Variants in PLXNA4 observed in about 807,000 individuals in gnomAD.
PLXNA4 encodes plexin A4.
Under a neutral mutation model 191.8 loss-of-function variants are expected in PLXNA4, and 44 were observed. The ratio of observed to expected loss-of-function variants is 0.23; its 90% CI spans 0.18 to 0.29. The LOEUF (loss-of-function observed/expected upper bound fraction) is 0.29. Among genes scored for constraint, PLXNA4 ranks in the 10% least tolerant of loss-of-function variants. The pLI, the probability that PLXNA4 is intolerant of heterozygous loss-of-function variation, is 1.00. For synonymous variants in PLXNA4, 1,082 were observed against 1,009.5 expected (o/e 1.07, Z -1.36); for missense variants, 1,800 against 2,488.8 (o/e 0.72, Z 5.89).
At chr7:132,275,336 G>A (rs566346362) in intron 4 of PLXNA4, among the ~76,000 whole-genome samples, 1 of 152,230 alleles carries the variant, frequency 6.6e-6, no homozygotes, top group Non-Finnish European at 1.5e-5. Context: ...AAATCATAGT[G>A]TACTATCAAA....
intron 4 of PLXNA4, among the ~76,000 whole-genome samples, chr7:132,285,218 A>G (rs1285530062): frequency 1.3e-5 from 2 of 152,226 alleles, no homozygotes; most frequent in African/African-American, 2.4e-5. Flanking sequence ...GTCGATGAAG[A>G]AACGGAAATA....
chr7:132,227,638 A>AGGGT (rs751649937), intron 6 of PLXNA4, 34 bp from the exon 7 acceptor site: 3 of 1,613,664 alleles, frequency 1.9e-6, no homozygotes, highest in Non-Finnish European at 1.7e-6. Flanking sequence ...GAGAAGGAGG[A>AGGGT]GGGTGAAATG....
At chr7:132,178,888 C>T in intron 20 of PLXNA4, among the ~76,000 whole-genome samples, 1 of 144,962 alleles carries the variant, frequency 6.9e-6, no homozygotes, top group East Asian at 2.1e-4. Context: ...TCCAGCACTG[C>T]CCACAGCTGC....
rs1175591203 is a variant in PLXNA4, at chr7:132,127,395, G to GCAAGCCACATGGACAGCC, written c.*3066_*3083dup. ...GCCCAATTCCTTTCTCTGGGAGCCC[G>GCAAGCCACATGGACAGCC]CAAGCCACATGGACAGCCCCTGGAT... On this transcript the variant is annotated 3_prime_UTR_variant, in exon 32 of 32. Transcript: ENST00000321063. 3.9e-5 allele frequency: 6 copies of GCAAGCCACATGGACAGCC among 152,170 alleles called. No homozygotes were observed. In the East Asian group the frequency reaches 1.2e-3, roughly 29 times the overall value. 9.4% of individuals were successfully genotyped at this position (152,170 alleles called of 1,614,324 possible). A position where few individuals can be genotyped will look rare whatever the true frequency, so the allele number is the denominator to read the frequency against.
chr7:132,301,971 A>G (rs1276548859), intron 3 of PLXNA4, among the ~76,000 whole-genome samples: 1 of 152,214 alleles, frequency 6.6e-6, no homozygotes, highest in Non-Finnish European at 1.5e-5. Flanking sequence ...CCAATGGCAT[A>G]TAAGACTAGA....
chr7:132,602,855 G>A (rs919618125), intron 2 of PLXNA4, among the ~76,000 whole-genome samples: 1 of 152,168 alleles, frequency 6.6e-6, no homozygotes, highest in Non-Finnish European at 1.5e-5. Context: ...ACCCGTGGAA[G>A]AGTCACTGAG....
chr7:132,141,765 T>C (rs1310784954), intron 29 of PLXNA4, among the ~76,000 whole-genome samples: 9 of 152,198 alleles, frequency 5.9e-5, no homozygotes. Flanking sequence ...AGTTTTGCTC[T>C]GTCACCCAAG....
At chr7:132,605,979 C>G (rs1248886487) in intron 2 of PLXNA4, among the ~76,000 whole-genome samples, 1 of 152,060 alleles carries the variant, frequency 6.6e-6, no homozygotes, top group Admixed American at 6.5e-5. Context: ...GCCTGGCCAA[C>G]ATGGTGAAAC....
intron 4 of PLXNA4, among the ~76,000 whole-genome samples, chr7:132,289,263 A>T (rs1024475826): frequency 6.6e-6 from 1 of 152,170 alleles, no homozygotes; most frequent in Non-Finnish European, 1.5e-5. Flanking sequence ...TGCCCATCTG[A>T]CCACTCTCTT....
chr7:132,421,681 A>G (rs1794855675), intron 3 of PLXNA4, among the ~76,000 whole-genome samples: 1 of 152,178 alleles, frequency 6.6e-6, no homozygotes, highest in Admixed American at 6.5e-5. Flanking sequence ...AAAATATCAA[A>G]CACAAAACTT....
At chr7:132,137,153 C>A (rs1020373247) in intron 30 of PLXNA4, among the ~76,000 whole-genome samples, 2 of 152,214 alleles carry the variant, frequency 1.3e-5, no homozygotes, top group Non-Finnish European at 2.9e-5. Context: ...CCAGGGTAAG[C>A]TGTCACCATT....
chr7:132,300,750 T>C (rs1395066511), intron 3 of PLXNA4, among the ~76,000 whole-genome samples: 2 of 152,220 alleles, frequency 1.3e-5, no homozygotes, highest in Admixed American at 6.5e-5. Context: ...GAGGTGCCCC[T>C]GGAGCAGGAG....
intron 30 of PLXNA4, among the ~76,000 whole-genome samples, chr7:132,137,478 A>G (rs1017210925): frequency 6.6e-6 from 1 of 152,252 alleles, no homozygotes; most frequent in Non-Finnish European, 1.5e-5. Context: ...ACTAATCACA[A>G]CACGCCACTT....
intron 3 of PLXNA4, among the ~76,000 whole-genome samples, chr7:132,346,394 T>C (rs1803247771): frequency 6.6e-6 from 1 of 152,214 alleles, no homozygotes; most frequent in Non-Finnish European, 1.5e-5. Flanking sequence ...AGTGACCTAC[T>C]CAAGTCAGTA....
At position 132,203,432 on chromosome 7, in the gene PLXNA4, C is replaced by G. The variant is rs375613371; in HGVS notation, c.2299-13G>C. Reference sequence around the variant, plus strand: ...CTTCATAGGAATACTGCAGCCAGGTCGGGGAGGAGGAAAGAAGAAAGTGGG... The same window carrying G: ...CTTCATAGGAATACTGCAGCCAGGTGGGGGAGGAGGAAAGAAGAAAGTGGG... On this transcript the variant is annotated splice_polypyrimidine_tract_variant and intron_variant, in intron 10 of 31. Coordinates refer to ENST00000321063, the MANE Select transcript of PLXNA4 (RefSeq NM_020911.2). 3.1e-6 allele frequency: 5 copies of G among 1,612,140 alleles called. No homozygotes were observed. The highest frequency in any genetic ancestry group is 4.2e-6 in the Non-Finnish European group (5 of 1,178,308).
intron 3 of PLXNA4, among the ~76,000 whole-genome samples, chr7:132,383,180 G>A (rs1804968992): frequency 6.6e-6 from 1 of 151,928 alleles, no homozygotes. Flanking sequence ...TTGTGAGATG[G>A]CCAAGCCACC....
At chr7:132,263,985 C>T (rs1799750864) in intron 4 of PLXNA4, among the ~76,000 whole-genome samples, 1 of 152,180 alleles carries the variant, frequency 6.6e-6, no homozygotes, top group East Asian at 1.9e-4. Flanking sequence ...CTATTAACTT[C>T]TTGATTCAGT....
At position 132,562,109 on chromosome 7, in the gene PLXNA4, CCTT is replaced by C. The variant is rs200808566; in HGVS notation, c.-87+14310_-87+14312del. On this transcript the variant is annotated intron_variant, in intron 1 of 31. Coordinates refer to ENST00000321063, the MANE Select transcript of PLXNA4 (RefSeq NM_020911.2). Reference sequence around the variant, plus strand: ...CTCCCTCCTCCTTTCTCCTCCTCCTCCTTCTCTCCTTCTCCTCCTCCTTCTCTC... The same window carrying C: ...CTCCCTCCTCCTTTCTCCTCCTCCTCCTCTCCTTCTCCTCCTCCTTCTCTC... Among the ~76,000 whole-genome samples the C allele has an allele frequency of 4.3e-5, 5 of 115,676 alleles. 1 individual carries two copies. The highest frequency in any genetic ancestry group is 8.2e-5 in the African/African-American group (2 of 24,370). 75.9% of individuals were successfully genotyped at this position (115,676 alleles called of 152,430 possible).
At chr7:132,148,083 C>T (rs1584763662) in intron 26 of PLXNA4, 84 bp from the exon 27 acceptor site, 5 of 1,601,478 alleles carry the variant, frequency 3.1e-6, no homozygotes, top group Middle Eastern at 3.3e-4. Context: ...GAACTTGGCA[C>T]TAAGGGGAAA....
Sources: allele counts gnomAD v4.1 joint callset (sites outside exome capture counted in the v4.1 genomes callset), GRCh38; gene constraint gnomAD v4.1.1; transcripts MANE v1.5; gene names NCBI Gene and HGNC (gene_info 2026-07-23, HGNC 2026-07-21).